SNTB1: variants seen among roughly 807,000 people sequenced by gnomAD.
The protein encoded by SNTB1 is beta-1-syntrophin.
SNTB1 carries 36 observed loss-of-function variants against 48.9 expected under a neutral mutation model. The ratio of observed to expected loss-of-function variants is 0.74; its 90% CI spans 0.56 to 0.97. The LOEUF (loss-of-function observed/expected upper bound fraction) is 0.97, where lower values mean the gene tolerates loss of function less well. Among genes scored for constraint, SNTB1 ranks in the 50% least tolerant of loss-of-function variants. The probability of loss-of-function intolerance (pLI) is 0.00; values close to 1 mark genes in which losing one functional copy is unlikely to be tolerated. For synonymous variants in SNTB1, 299 were observed against 294.6 expected, an observed-to-expected ratio of 1.01 and a Z score of -0.15; for missense variants, 786 against 703.4, an observed-to-expected ratio of 1.12 and a Z score of -1.33.
intron 1 of SNTB1, among the ~76,000 whole-genome samples, chr8:120,810,000 T>G (rs1820399085): frequency 6.6e-6 from 1 of 152,174 alleles, no homozygotes; most frequent in South Asian, 2.1e-4. Flanking sequence ...GTGCCACGAC[T>G]CGGTAAGCAG....
At chr8:120,618,841 G>T (rs1389516173) in intron 3 of SNTB1, among the ~76,000 whole-genome samples, 1 of 152,296 alleles carries the variant, frequency 6.6e-6, no homozygotes, top group East Asian at 1.9e-4. Context: ...GGAAAATCTA[G>T]AGCTGGGAGA....
chr8:120,644,417 G>A (rs1189861203), intron 2 of SNTB1, among the ~76,000 whole-genome samples: 1 of 148,952 alleles, frequency 6.7e-6, no homozygotes, highest in Non-Finnish European at 1.5e-5. Flanking sequence ...GCGATGTTTG[G>A]TTTTTTGTTC....
chr8:120,709,003 A>G (rs1176553162), intron 1 of SNTB1, among the ~76,000 whole-genome samples: 1 of 151,766 alleles, frequency 6.6e-6, no homozygotes, highest in Non-Finnish European at 1.5e-5. Flanking sequence ...GAAGCAATTC[A>G]ATGTATAAGG....
intron 2 of SNTB1, among the ~76,000 whole-genome samples, chr8:120,680,764 T>C (rs1340302079): frequency 6.6e-6 from 1 of 152,220 alleles, no homozygotes; most frequent in East Asian, 1.9e-4. Context: ...TCAATTAATG[T>C]ATCAAGAACA....
chr8:120,686,768 A>T (rs1272740373), intron 2 of SNTB1, among the ~76,000 whole-genome samples: 1 of 152,230 alleles, frequency 6.6e-6, no homozygotes, highest in African/African-American at 2.4e-5. Flanking sequence ...CATGCAGTTA[A>T]TCTGGACCTG....
chr8:120,766,924 T>C (rs936009889), intron 1 of SNTB1, among the ~76,000 whole-genome samples: 1 of 152,212 alleles, frequency 6.6e-6, no homozygotes, highest in Non-Finnish European at 1.5e-5. Flanking sequence ...TCTATGCCCA[T>C]TTAGAAGCCA....
At chr8:120,728,984 C>T (rs543100676) in intron 1 of SNTB1, among the ~76,000 whole-genome samples, 1 of 147,844 alleles carries the variant, frequency 6.8e-6, no homozygotes, top group South Asian at 2.2e-4. Flanking sequence ...TGTTTACTGA[C>T]CTTTTTTTTT....
chr8:120,705,842 G>T (rs993143463), intron 1 of SNTB1, among the ~76,000 whole-genome samples: 4 of 152,118 alleles, frequency 2.6e-5, no homozygotes, highest in African/African-American at 7.2e-5. Context: ...AGCTATCTGG[G>T]TCTTAGAATC....
rs1222719330 is a variant in SNTB1, at chr8:120,632,651, C to T, written c.789G>A (p.Arg263=). 1 of 1,613,894 alleles carries T rather than the reference C, an allele frequency of 6.2e-7. No homozygotes were observed. ...CATCTGGAGAGTGGATTTCAAGCTG[C>T]CTAGAGGAGCACAGAGAGAAGGGTT... ...RSMALADPEN[R]QLEIHSPDAK... is the part of the protein sequence containing the mutation. The change falls in exon 3 of 7, where the codon AGG becomes AGA. Residue 263 remains arginine (R), a splice_region_variant and synonymous_variant. Transcript: ENST00000517992.
intron 1 of SNTB1, among the ~76,000 whole-genome samples, chr8:120,701,486 C>G (rs1221404747): frequency 1.3e-5 from 2 of 152,172 alleles, no homozygotes; most frequent in African/African-American, 2.4e-5. Flanking sequence ...TGTTTTACCT[C>G]ATCTTGCTAC....
At chr8:120,801,409 T>C (rs895482794) in intron 1 of SNTB1, among the ~76,000 whole-genome samples, 1 of 152,052 alleles carries the variant, frequency 6.6e-6, no homozygotes. Flanking sequence ...TAATTTATTA[T>C]TGTTTTATAA....
At chr8:120,714,528 C>T (rs886717802) in intron 1 of SNTB1, among the ~76,000 whole-genome samples, 1 of 151,172 alleles carries the variant, frequency 6.6e-6, no homozygotes, top group Non-Finnish European at 1.5e-5. Flanking sequence ...GAAGCAGGAT[C>T]TTCAAATCTA....
intron 2 of SNTB1, among the ~76,000 whole-genome samples, chr8:120,673,070 A>T (rs1817781701): frequency 6.6e-6 from 1 of 152,136 alleles, no homozygotes; most frequent in Non-Finnish European, 1.5e-5. Flanking sequence ...TGCACCCTGG[A>T]TGCTGGTAGC....
intron 4 of SNTB1, among the ~76,000 whole-genome samples, chr8:120,560,375 C>T (rs1815632097): frequency 1.3e-5 from 2 of 152,058 alleles, no homozygotes; most frequent in African/African-American, 2.4e-5. Flanking sequence ...CTCAGCTACT[C>T]GGGAGGCTGA....
intron 1 of SNTB1, among the ~76,000 whole-genome samples, chr8:120,803,686 A>G (rs970820048): frequency 1.3e-5 from 2 of 152,202 alleles, no homozygotes; most frequent in African/African-American, 4.8e-5. Context: ...CTGAACATGA[A>G]GAGCATTTCC....
intron 3 of SNTB1, among the ~76,000 whole-genome samples, chr8:120,613,351 C>A (rs1382859587): frequency 3.1e-4 from 46 of 146,744 alleles, no homozygotes; most frequent in Middle Eastern, 3.5e-3. Context: ...AGCTCCATCT[C>A]AAAAAAAAAA....
intron 4 of SNTB1, among the ~76,000 whole-genome samples, chr8:120,574,816 C>A (rs1815924385): frequency 1.3e-5 from 2 of 152,120 alleles, no homozygotes; most frequent in South Asian, 4.2e-4. Flanking sequence ...AGATGGAGAC[C>A]CAGGAAGGCG....
At chr8:120,669,835 T>A (rs1474030476) in intron 2 of SNTB1, among the ~76,000 whole-genome samples, 1 of 152,202 alleles carries the variant, frequency 6.6e-6, no homozygotes, top group African/African-American at 2.4e-5. Context: ...GGTCTGAAAC[T>A]CAGCATTTCT....
chr8:120,583,556 C>A (rs1202703342), intron 3 of SNTB1, among the ~76,000 whole-genome samples: 42 of 115,894 alleles, frequency 3.6e-4, no homozygotes, highest in African/African-American at 1.3e-3. Context: ...CACACACACA[C>A]ACACAAAACT....
Sources: allele counts gnomAD v4.1 joint callset (sites outside exome capture counted in the v4.1 genomes callset), GRCh38; gene constraint gnomAD v4.1.1; transcripts MANE v1.5; gene names NCBI Gene and HGNC (gene_info 2026-07-23, HGNC 2026-07-21).